The following TFAP2C variants were observed in gnomAD, a reference collection of about 807,000 sequenced individuals.
TFAP2C encodes activating enhancer-binding protein 2 gamma.
Under a neutral mutation model 42.9 loss-of-function variants are expected in TFAP2C, and 9 were observed. That is an observed-to-expected ratio of 0.21 (90% CI 0.13 to 0.37). The LOEUF (loss-of-function observed/expected upper bound fraction) is 0.37, where lower values mean the gene tolerates loss of function less well. TFAP2C is among the 10% of genes least tolerant of loss of function. The pLI, the probability that TFAP2C is intolerant of heterozygous loss-of-function variation, is 1.00. For synonymous variants in TFAP2C, 264 were observed against 256.0 expected, an observed-to-expected ratio of 1.03 and a Z score of -0.30; for missense variants, 462 against 591.7, an observed-to-expected ratio of 0.78 and a Z score of 2.27.
Position 56,636,603 on chromosome 20 carries a change from A to G in TFAP2C, c.923-7A>G. ...GCCATCCTAAAAGCTGTTGCTGATT[A>G]TTCTAGGTGAAGCTGTTCATTTGGC... On this transcript the variant is annotated splice_polypyrimidine_tract_variant and splice_region_variant and intron_variant, in intron 5 of 6. Coordinates refer to ENST00000201031, the MANE Select transcript of TFAP2C (RefSeq NM_003222.4). 1 of 1,609,858 alleles carries G rather than the reference A, an allele frequency of 6.2e-7. No individual in the cohort carries two copies. The highest frequency in any genetic ancestry group is 8.5e-7 in the Non-Finnish European group (1 of 1,178,834).
intron 3 of TFAP2C, 144 bp from the exon 4 acceptor site, chr20:56,633,208 TA>T: frequency 3.3e-6 from 2 of 607,734 alleles, no homozygotes; most frequent in Non-Finnish European, 5.7e-6. Flanking sequence ...TTTTTTTTTT[TA>T]AATAAAGTCA....
At position 56,630,934 on chromosome 20, in the gene TFAP2C, C is replaced by T. The variant is rs1183898113; in HGVS notation, c.49-271C>T. ...ACTTGGCGCCTCCAAGCGCCTCGGG[C>T]TTGGGAGCAGCGCCTAGACCTTCGC... On this transcript the variant is annotated intron_variant, in intron 1 of 6. Transcript: ENST00000201031. This position sits in a 1 kb window ranked among gnomAD's most constrained non-coding sequence, Gnocchi z 5.1. 1.0e-6 allele frequency: 1 copy of T among 985,270 alleles called. No homozygotes were observed. Among genetic ancestry groups the T allele is most frequent in the Non-Finnish European group, 1.2e-6 (1 of 829,892 alleles). The allele number at this position is 985,270 out of a possible 1,614,324, so 61.0% of individuals were successfully genotyped here.
At position 56,634,213 on chromosome 20, in the gene TFAP2C, T is replaced by G; in HGVS notation, c.867T>G (p.Leu289=). The G allele has an allele frequency of 1.2e-6, 2 of 1,614,250 alleles. No individual in the cohort carries two copies. Among genetic ancestry groups the G allele is most frequent in the Non-Finnish European group, 1.7e-6 (2 of 1,180,052 alleles). The change falls in exon 5 of 7, where the codon CTT becomes CTG. Residue 289 remains leucine, a synonymous_variant. Coordinates refer to ENST00000201031, the MANE Select transcript of TFAP2C (RefSeq NM_003222.4). ...AGTTGGACAAGATTGGGTTGAATCTTCCGGCCGGGAGGCGGAAAGCCGCTC... is the reference window on the plus strand; with the variant it reads ...AGTTGGACAAGATTGGGTTGAATCTGCCGGCCGGGAGGCGGAAAGCCGCTC... ...REKLDKIGLN[L]PAGRRKAAHV... is the part of the protein sequence containing the mutation.
chr20:56,629,583 G>C lies in TFAP2C; in HGVS notation c.39G>C (p.Glu13Asp), dbSNP rs1304196086. Residue 13 changes from glutamate to aspartate, a missense_variant, in exon 1 of 7, where the codon GAG (glutamate) becomes GAC (aspartate). By Grantham distance (45) the Glu-to-Asp change is conservative. This residue lies in a region of TFAP2C where 271 missense variants were observed against 269.7 expected (regional missense o/e 1.00). Coordinates refer to ENST00000201031, the MANE Select transcript of TFAP2C (RefSeq NM_003222.4). This position sits in a 1 kb window ranked among gnomAD's most constrained non-coding sequence, Gnocchi z 5.9. ...TAACCGATAATGTCAAGTACGAAGAGGACTGCGAGGTGAGCTGGGGCTCCG... is the reference window on the plus strand; with the variant it reads ...TAACCGATAATGTCAAGTACGAAGACGACTGCGAGGTGAGCTGGGGCTCCG... ...WKITDNVKYE[E>D]DCEDRHDGSS... 7.0e-7 allele frequency: 1 copy of C among 1,421,512 alleles called. No individual in the cohort carries two copies. Among genetic ancestry groups the C allele is most frequent in the East Asian group, 2.7e-5 (1 of 36,692 alleles). The allele number at this position is 1,421,512 out of a possible 1,614,324, so 88.1% of individuals were successfully genotyped here. A position where few individuals can be genotyped will look rare whatever the true frequency, so the allele number is the denominator to read the frequency against.
chr20:56,633,411 G>T lies in TFAP2C; in HGVS notation c.645G>T (p.Gly215=). Reference sequence around the variant, plus strand: ...TCCCCTGTCAGAAGGAGCTGGTGGGGGCCGTAATGAACCCCACTGAGGTCT... The same window carrying T: ...TCCCCTGTCAGAAGGAGCTGGTGGGTGCCGTAATGAACCCCACTGAGGTCT... The part of the protein sequence containing the change: ...LNLPCQKELV[G]AVMNPTEVFC... The change falls in exon 4 of 7, where the codon GGG becomes GGT. Residue 215 remains glycine, a synonymous_variant. Transcript: ENST00000201031. The T allele has an allele frequency of 6.2e-7, 1 of 1,614,090 alleles. No individual in the cohort carries two copies. The highest frequency in any genetic ancestry group is 8.5e-7 in the Non-Finnish European group (1 of 1,180,014).
intron 5 of TFAP2C, among the ~76,000 whole-genome samples, chr20:56,636,281 T>C (rs1987581173): frequency 2.0e-5 from 3 of 152,208 alleles, no homozygotes; most frequent in Admixed American, 6.5e-5. Context: ...CTGTGGCTCA[T>C]GTCTATAATC....
intron 5 of TFAP2C, among the ~76,000 whole-genome samples, 173 bp downstream of exon 5, chr20:56,634,441 A>G (rs1255866203): frequency 6.6e-6 from 1 of 152,248 alleles, no homozygotes; most frequent in Non-Finnish European, 1.5e-5. Flanking sequence ...ATTTTATCGA[A>G]TAAGTTAACA....
At position 56,637,944 on chromosome 20, in the gene TFAP2C, G is replaced by A; in HGVS notation, c.1284G>A (p.Met428Ile). 1 of 1,613,950 alleles carries A rather than the reference G, an allele frequency of 6.2e-7. No individual in the cohort carries two copies. Among genetic ancestry groups the A allele is most frequent in the South Asian group, 1.1e-5 (1 of 91,076 alleles). Residue 428 changes from methionine to isoleucine, a missense_variant, in exon 7 of 7, where the codon ATG becomes ATA. Coordinates refer to ENST00000201031, the MANE Select transcript of TFAP2C (RefSeq NM_003222.4). ...EALIVIDKSY[M>I]NPGDQSPADS... is the part of the protein sequence containing the mutation. ...TGATTGTCATAGACAAATCCTACAT[G>A]AACCCTGGAGACCAGAGTCCAGCTG...
At chr20:56,635,576 T>C (rs1987569301) in intron 5 of TFAP2C, among the ~76,000 whole-genome samples, 1 of 152,124 alleles carries the variant, frequency 6.6e-6, no homozygotes, top group African/African-American at 2.4e-5. Flanking sequence ...AAGTAAGCTG[T>C]CAGATGTCAC....
chr20:56,637,801 G>A lies in TFAP2C; in HGVS notation c.1141G>A (p.Val381Ile), dbSNP rs1167146978. ...TPHGTSRLAPVLETNIQNCLS... is the reference protein window; with the variant it reads ...TPHGTSRLAPILETNIQNCLS... Reference sequence around the variant, plus strand: ...CCATGGGACCAGCAGGCTCGCCCCAGTCTTGGAGACGAACATACAGAACTG... The same window carrying A: ...CCATGGGACCAGCAGGCTCGCCCCAATCTTGGAGACGAACATACAGAACTG... Residue 381 changes from valine to isoleucine, a missense_variant, in exon 7 of 7, where the codon GTC (valine) becomes ATC (isoleucine). By Grantham distance (29) the Val-to-Ile change is conservative. Coordinates refer to ENST00000201031, the MANE Select transcript of TFAP2C (RefSeq NM_003222.4). 1 of 1,614,134 alleles carries A rather than the reference G, an allele frequency of 6.2e-7. No homozygotes were observed. Among genetic ancestry groups the A allele is most frequent in the Non-Finnish European group, 8.5e-7 (1 of 1,179,988 alleles).
rs1262228430 is a variant in TFAP2C, at chr20:56,638,476, A to G, written c.*463A>G. The G allele has an allele frequency of 6.3e-6, 1 of 158,756 alleles. No homozygotes were observed. The highest frequency in any genetic ancestry group is 1.4e-5 in the Non-Finnish European group (1 of 71,552). The allele number at this position is 158,756 out of a possible 1,614,324, so 9.8% of individuals were successfully genotyped here. ...TGTCCGCTAAATATTTACCTTGAAA[A>G]AAAGAAAAGTGTGTATCTAGCTTCT... On this transcript the variant is annotated 3_prime_UTR_variant, in exon 7 of 7. Transcript: ENST00000201031.
chr20:56,630,181 G>A lies in TFAP2C; in HGVS notation c.48+589G>A. ...TGAGCTAGAGTTTCGGAGAGTGGGA[G>A]GGAAGAAGGAGGCGGCGAGCGGGAA... On this transcript the variant is annotated intron_variant, in intron 1 of 6. Transcript: ENST00000201031. The surrounding 1 kb of genome is among the most constrained non-coding windows in gnomAD (Gnocchi z 5.1). The A allele has an allele frequency of 7.1e-6, 2 of 282,094 alleles. No homozygotes were observed. The highest frequency in any genetic ancestry group is 5.5e-5 in the South Asian group (2 of 36,464). 17.5% of individuals were successfully genotyped at this position (282,094 alleles called of 1,614,324 possible).
In TFAP2C at chr20:56,629,389, G is replaced by A; in HGVS notation, c.-156G>A. The A allele has an allele frequency of 3.6e-6, 2 of 553,908 alleles. No individual in the cohort carries two copies. Among genetic ancestry groups the A allele is most frequent in the South Asian group, 5.7e-5 (1 of 17,550 alleles). The allele number at this position is 553,908 out of a possible 1,614,324, so 34.3% of individuals were successfully genotyped here. A position where few individuals can be genotyped will look rare whatever the true frequency, so the allele number is the denominator to read the frequency against. ...CGGCAGCATCTACGCTCGCAGAGCC[G>A]CCGATGCGTGTCCAGTGACCCGGAC... On this transcript the variant is annotated 5_prime_UTR_variant, in exon 1 of 7. Coordinates refer to ENST00000201031, the MANE Select transcript of TFAP2C (RefSeq NM_003222.4). The surrounding 1 kb of genome is among the most constrained non-coding windows in gnomAD (Gnocchi z 5.9).
At chr20:56,637,092 T>G (rs1046959252) in intron 6 of TFAP2C, among the ~76,000 whole-genome samples, 1 of 152,202 alleles carries the variant, frequency 6.6e-6, no homozygotes, top group East Asian at 1.9e-4. Flanking sequence ...AAAGAGAGAT[T>G]GTGTGCCTTC....
chr20:56,633,661 T>C (rs1031822554), intron 4 of TFAP2C, 92 bp downstream of exon 4: 8 of 910,322 alleles, frequency 8.8e-6, no homozygotes, highest in Admixed American at 4.2e-5. Flanking sequence ...TTATGTGACT[T>C]TATGCCTAAC....
rs1476450011 is a variant in TFAP2C, at chr20:56,631,674, A to G, written c.518A>G (p.Gln173Arg). ...CTGGGGCTCCACGACATGCCTCACC[A>G]GATGGACGAGGTGCAGGTGAGCGGC... is the stretch of plus-strand genomic sequence containing the variant. ...ENLGLHDMPHQMDEVQNVDDQ... is the reference protein window; with the variant it reads ...ENLGLHDMPHRMDEVQNVDDQ... Residue 173 changes from glutamine (Q) to arginine (R), a missense_variant, in exon 2 of 7, where the codon CAG becomes CGG. Transcript: ENST00000201031. This position sits in a 1 kb window ranked among gnomAD's most constrained non-coding sequence, Gnocchi z 6.1. The G allele has an allele frequency of 1.3e-6, 2 of 1,589,448 alleles. No individual in the cohort carries two copies. The highest frequency in any genetic ancestry group is 1.7e-6 in the Non-Finnish European group (2 of 1,169,994).
At position 56,631,282 on chromosome 20, in the gene TFAP2C, C is replaced by T; in HGVS notation, c.126C>T (p.Pro42=). The T allele has an allele frequency of 1.2e-6, 2 of 1,605,282 alleles. No individual in the cohort carries two copies. The highest frequency in any genetic ancestry group is 1.1e-5 in the South Asian group (1 of 89,520). Residue 42 remains proline, a synonymous_variant, in exon 2 of 7, where the codon CCC becomes CCT. Coordinates refer to ENST00000201031, the MANE Select transcript of TFAP2C (RefSeq NM_003222.4). The surrounding 1 kb of genome is among the most constrained non-coding windows in gnomAD (Gnocchi z 6.1). ...CCGCCGGGCAGCACCTCTACAGCCCCGCGCCACCCCTCTCCCACACTGGAG... is the reference window on the plus strand; with the variant it reads ...CCGCCGGGCAGCACCTCTACAGCCCTGCGCCACCCCTCTCCCACACTGGAG... ...LSSAGQHLYS[P]APPLSHTGVA...
intron 3 of TFAP2C, among the ~76,000 whole-genome samples, chr20:56,632,469 ACAGGATTAC>A (rs967290698): frequency 1.3e-5 from 2 of 152,204 alleles, no homozygotes; most frequent in African/African-American, 2.4e-5. Context: ...TACTTAACTG[ACAGGATTAC>A]CAGGATTACC....
At position 56,631,618 on chromosome 20, in the gene TFAP2C, C is replaced by T. The variant is rs2146446550; in HGVS notation, c.462C>T (p.His154=). 6.4e-7 allele frequency: 1 copy of T among 1,571,044 alleles called. No homozygotes were observed. Among genetic ancestry groups the T allele is most frequent in the East Asian group, 2.3e-5 (1 of 42,942 alleles). Residue 154 remains histidine, a synonymous_variant, in exon 2 of 7, where the codon CAC becomes CAT. Transcript: ENST00000201031. The surrounding 1 kb of genome is among the most constrained non-coding windows in gnomAD (Gnocchi z 6.1). ...RRSDLLLPHA[H]ALDAAGLAEN... is the part of the protein sequence containing the mutation. ...CCGACCTGCTGCTGCCCCACGCACACGCCCTGGATGCCGCGGGCCTGGCCG... is the reference window on the plus strand; with the variant it reads ...CCGACCTGCTGCTGCCCCACGCACATGCCCTGGATGCCGCGGGCCTGGCCG...
Sources: allele counts gnomAD v4.1 joint callset (sites outside exome capture counted in the v4.1 genomes callset), GRCh38; gene constraint gnomAD v4.1.1; regional missense constraint gnomAD v4.1.1; non-coding constraint Gnocchi (gnomAD v3.1); transcripts MANE v1.5; gene names NCBI Gene and HGNC (gene_info 2026-07-23, HGNC 2026-07-21).